The following CDYL variants were observed in gnomAD, a reference collection of about 807,000 sequenced individuals.
The protein encoded by CDYL is chromodomain Y-like protein.
CDYL carries 8 observed loss-of-function variants against 47.3 expected under a neutral mutation model. The observed-to-expected ratio is 0.17, with a 90% confidence interval of 0.10 to 0.31. The LOEUF is 0.31. Among genes scored for constraint, CDYL ranks in the 10% least tolerant of loss-of-function variants. The pLI is 1.00. For missense variants in CDYL, 471 were observed against 701.4 expected (o/e 0.67, Z 3.71); for synonymous variants, 266 against 265.0 (o/e 1.00, Z -0.04).
intron 1 of CDYL, among the ~76,000 whole-genome samples, chr6:4,864,352 C>G (rs1046704168): frequency 1.3e-5 from 2 of 152,096 alleles, no homozygotes; most frequent in African/African-American, 4.8e-5. Flanking sequence ...TTGTACGAAA[C>G]AGTAATACTG....
chr6:4,724,055 G>T (rs186401060), intron 2 of CDYL, among the ~76,000 whole-genome samples: 1 of 151,892 alleles, frequency 6.6e-6, no homozygotes, highest in Non-Finnish European at 1.5e-5. Flanking sequence ...TTTTGTGCGC[G>T]TTTGAGAGAG....
intron 2 of CDYL, among the ~76,000 whole-genome samples, chr6:4,913,617 C>T (rs1469912446): frequency 4.6e-5 from 7 of 152,334 alleles, no homozygotes; most frequent in East Asian, 1.9e-4. Flanking sequence ...CACCTTCTTC[C>T]GGCCTTCCAG....
intron 1 of CDYL, among the ~76,000 whole-genome samples, chr6:4,848,126 C>A (rs1454007492): frequency 6.6e-6 from 1 of 152,098 alleles, no homozygotes; most frequent in East Asian, 1.9e-4. Context: ...ACATATGATT[C>A]TATGAAATTA....
chr6:4,939,868 CT>C (rs1758310974), intron 4 of CDYL, among the ~76,000 whole-genome samples: 1 of 152,184 alleles, frequency 6.6e-6, no homozygotes, highest in Non-Finnish European at 1.5e-5. Flanking sequence ...TAATATTGTG[CT>C]TTTTGGTAGC....
chr6:4,847,955 G>A (rs945707842), intron 1 of CDYL, among the ~76,000 whole-genome samples: 6 of 152,162 alleles, frequency 3.9e-5, no homozygotes, highest in South Asian at 2.1e-4. Context: ...AAAGATGTGC[G>A]AAAGCTTTCC....
At chr6:4,941,619 T>C (rs947154) in intron 4 of CDYL, among the ~76,000 whole-genome samples, 132,861 of 152,194 alleles carry the variant, frequency 0.87, 59,504 homozygotes, top group Non-Finnish European at 0.98. Context: ...TTCCAAAAAA[T>C]GCCTTCAGCC....
At chr6:4,792,700 T>C (rs1758960382) in intron 1 of CDYL, among the ~76,000 whole-genome samples, 1 of 152,124 alleles carries the variant, frequency 6.6e-6, no homozygotes, top group Non-Finnish European at 1.5e-5. Context: ...CCTCCCAAAG[T>C]GCTGGGATTA....
chr6:4,746,573 G>A (rs1450995789), intron 3 of CDYL, among the ~76,000 whole-genome samples: 1 of 152,180 alleles, frequency 6.6e-6, no homozygotes, highest in Non-Finnish European at 1.5e-5. Context: ...GCGTGCTTAA[G>A]CCTGGTGGCT....
chr6:4,921,839 A>C (rs1757726097), intron 2 of CDYL, among the ~76,000 whole-genome samples: 1 of 151,998 alleles, frequency 6.6e-6, no homozygotes, highest in South Asian at 2.1e-4. Flanking sequence ...CTTATTGAGC[A>C]CCAACTGCAT....
Position 4,851,327 on chromosome 6 carries a change from A to G in CDYL, c.25-40386A>G, listed in dbSNP as rs1760819802. Among the ~76,000 whole-genome samples, 5 of 152,032 alleles carry G rather than the reference A, an allele frequency of 3.3e-5. No homozygotes were observed. The South Asian group carries it at 8.3e-4, about 25-fold the overall frequency. ...TGCCTGGCATGTAGATATACTAGGTACTTTATTATTATTATCTATCATACA... is the reference window on the plus strand; with the variant it reads ...TGCCTGGCATGTAGATATACTAGGTGCTTTATTATTATTATCTATCATACA... On this transcript the variant is annotated intron_variant, in intron 1 of 6. Coordinates refer to ENST00000397588, the MANE Select transcript of CDYL (RefSeq NM_004824.4).
At chr6:4,908,478 G>T (rs1757306351) in intron 2 of CDYL, among the ~76,000 whole-genome samples, 1 of 152,162 alleles carries the variant, frequency 6.6e-6, no homozygotes, top group Non-Finnish European at 1.5e-5. Flanking sequence ...ACTGTAGTTT[G>T]CTCAGCCTTT....
chr6:4,889,232 T>C (rs536609808), intron 1 of CDYL, among the ~76,000 whole-genome samples: 2 of 152,132 alleles, frequency 1.3e-5, no homozygotes, highest in Non-Finnish European at 2.9e-5. Flanking sequence ...CTTTTTTTTT[T>C]TCTTTTTTTT....
At chr6:4,815,249 C>G (rs930612412) in intron 1 of CDYL, among the ~76,000 whole-genome samples, 1 of 152,072 alleles carries the variant, frequency 6.6e-6, no homozygotes, top group East Asian at 1.9e-4. Context: ...ATGTATATAT[C>G]GTGTATCACA....
chr6:4,877,743 A>G (rs1028573433), intron 1 of CDYL, among the ~76,000 whole-genome samples: 3 of 152,210 alleles, frequency 2.0e-5, no homozygotes, highest in Non-Finnish European at 4.4e-5. Context: ...ATGATGTTAT[A>G]TCTTGAAATA....
At chr6:4,855,196 A>G (rs1760970348) in intron 1 of CDYL, among the ~76,000 whole-genome samples, 1 of 152,200 alleles carries the variant, frequency 6.6e-6, no homozygotes, top group East Asian at 1.9e-4. Context: ...GAACCAATGA[A>G]AGCCCAGTAT....
chr6:4,874,258 A>G (rs1048139132), intron 1 of CDYL, among the ~76,000 whole-genome samples: 13 of 152,154 alleles, frequency 8.5e-5, no homozygotes, highest in Non-Finnish European at 1.3e-4. Context: ...ACTGATTTGA[A>G]AGAGCGTTTT....
chr6:4,833,013 C>CA (rs1163027827), intron 1 of CDYL, among the ~76,000 whole-genome samples: 2 of 150,878 alleles, frequency 1.3e-5, no homozygotes, highest in Non-Finnish European at 3.0e-5. Context: ...TTGATCCTTT[C>CA]AAAAAACCAG....
chr6:4,913,270 A>T (rs78149884), intron 2 of CDYL, among the ~76,000 whole-genome samples: 7,364 of 152,162 alleles, frequency 0.048, 223 homozygotes, highest in Middle Eastern at 0.088. Context: ...TTTAATTAAA[A>T]TTTTTTTATT....
rs764836210 is a variant in CDYL, at chr6:4,930,767, A to G, written c.692-4748A>G. ...TCTTGAACATATTAAAAGAAAATCA[A>G]TTACTGCAAGAGATACTAAAATAGG... On this transcript the variant is annotated intron_variant, in intron 2 of 6. Coordinates refer to ENST00000397588, the MANE Select transcript of CDYL (RefSeq NM_004824.4). Among the ~76,000 whole-genome samples the G allele has an allele frequency of 3.7e-4, 56 of 152,256 alleles. 1 individual carries two copies. Among genetic ancestry groups the G allele is most frequent in the African/African-American group, 6.3e-4 (26 of 41,468 alleles).
Sources: gnomAD v4.1 joint callset for allele counts (sites outside exome capture counted in the v4.1 genomes callset) on GRCh38, gnomAD v4.1.1 for gene constraint, MANE v1.5 for transcripts, NCBI Gene and HGNC (gene_info 2026-07-23, HGNC 2026-07-21) for gene names.